Variants in IMPA2 observed in about 807,000 individuals in gnomAD.
The protein encoded by IMPA2 is IMP 2.
IMPA2 carries 32 observed loss-of-function variants against 35.1 expected under a neutral mutation model. That is an observed-to-expected ratio of 0.91 (90% CI 0.69 to 1.23). IMPA2 has a LOEUF of 1.23. Among genes scored for constraint, IMPA2 ranks in the 50% most tolerant of loss-of-function variants. IMPA2 has a pLI of 0.00. For synonymous variants in IMPA2, 135 were observed against 160.6 expected (o/e 0.84, Z 1.20); for missense variants, 334 against 387.6 (o/e 0.86, Z 1.16).
At chr18:12,019,274 A>T (rs1207212323) in intron 5 of IMPA2, among the ~76,000 whole-genome samples, 17 of 151,886 alleles carry the variant, frequency 1.1e-4, no homozygotes, top group African/African-American at 3.9e-4. Context: ...TTTGTTTTTG[A>T]GATGGAGTCT....
chr18:12,030,291 G>C (rs1357130089), intron 7 of IMPA2, 52 bp from the exon 8 acceptor site: 1 of 1,373,654 alleles, frequency 7.3e-7, no homozygotes, highest in Non-Finnish European at 1.0e-6. Context: ...ACACAACATT[G>C]TTCAGCCCTC....
chr18:11,996,310 G>A (rs1906956844), intron 1 of IMPA2, among the ~76,000 whole-genome samples: 1 of 152,162 alleles, frequency 6.6e-6, no homozygotes, highest in Admixed American at 6.5e-5. Context: ...CTGGGGTTTG[G>A]GATGTGTTCT....
chr18:12,016,449 G>A (rs1030097441), intron 5 of IMPA2, among the ~76,000 whole-genome samples: 18 of 145,810 alleles, frequency 1.2e-4, no homozygotes, highest in African/African-American at 4.3e-4. Flanking sequence ...TTTCTGAGAT[G>A]GAGTCTTGCT....
intron 1 of IMPA2, among the ~76,000 whole-genome samples, chr18:11,992,537 T>C (rs1301543307): frequency 1.3e-5 from 2 of 152,204 alleles, no homozygotes; most frequent in African/African-American, 2.4e-5. Flanking sequence ...TGAAGCTGGT[T>C]GATGGTGACC....
At chr18:12,001,098 G>A (rs750243601) in intron 2 of IMPA2, among the ~76,000 whole-genome samples, 9 of 151,598 alleles carry the variant, frequency 5.9e-5, no homozygotes, top group Admixed American at 3.3e-4. Flanking sequence ...GTGTGGTGGC[G>A]TGGGCCTGTA....
intron 1 of IMPA2, among the ~76,000 whole-genome samples, chr18:11,992,225 T>C (rs1568027444): frequency 6.6e-6 from 1 of 152,252 alleles, no homozygotes; most frequent in Non-Finnish European, 1.5e-5. Flanking sequence ...ACACATTCAC[T>C]TGTGTTGCAG....
Position 11,981,700 on chromosome 18 carries a change from C to G in IMPA2, c.31C>G (p.Leu11Val), listed in dbSNP as rs1040799677. Residue 11 changes from leucine (L) to valine (V), a missense_variant, in exon 1 of 8, where the codon CTG (leucine) becomes GTG (valine). Transcript: ENST00000269159. ...GCCGAGCGGCGAGGACCAGGCGGCGCTGGCGGCCGGCCCCTGGGAGGAGTG... is the reference window on the plus strand; with the variant it reads ...GCCGAGCGGCGAGGACCAGGCGGCGGTGGCGGCCGGCCCCTGGGAGGAGTG... MKPSGEDQAA[L>V]AAGPWEECFQ... 1 of 1,230,780 alleles carries G rather than the reference C, an allele frequency of 8.1e-7. No homozygotes were observed. The highest frequency in any genetic ancestry group is 1.0e-6 in the Non-Finnish European group (1 of 987,070). 76.2% of individuals were successfully genotyped at this position (1,230,780 alleles called of 1,614,324 possible).
At chr18:12,013,290 G>A (rs888223340) in intron 4 of IMPA2, among the ~76,000 whole-genome samples, 30 of 152,198 alleles carry the variant, frequency 2.0e-4, no homozygotes, top group Admixed American at 5.9e-4. Context: ...TCAGGAACCA[G>A]CCGAATTCTA....
rs1415142335 is a variant in IMPA2 at position 12,028,988 on chromosome 18, C to T, written c.746C>T (p.Thr249Ile). The T allele has an allele frequency of 6.2e-7, 1 of 1,613,000 alleles. No homozygotes were observed. Among genetic ancestry groups the T allele is most frequent in the Admixed American group, 1.7e-5 (1 of 59,984 alleles). Residue 249 changes from threonine to isoleucine, a missense_variant, in exon 7 of 8, where the codon ACT becomes ATT. Physicochemically the swap from Thr to Ile is moderately conservative, Grantham distance 89. Coordinates refer to ENST00000269159, the MANE Select transcript of IMPA2 (RefSeq NM_014214.3). Reference protein sequence around the residue: ...IREAGGIVIDTSGGPLDLMAC... With the variant: ...IREAGGIVIDISGGPLDLMAC... ...GAAGCAGGCGGCATCGTGATAGACACTTCGGGTGAGCTCTCCTGTCCCTGA... is the reference window on the plus strand; with the variant it reads ...GAAGCAGGCGGCATCGTGATAGACATTTCGGGTGAGCTCTCCTGTCCCTGA...
chr18:12,009,036 TC>T (rs1907359494), intron 2 of IMPA2, among the ~76,000 whole-genome samples: 1 of 150,566 alleles, frequency 6.6e-6, no homozygotes, highest in South Asian at 2.1e-4. Context: ...CCTCTCTCCT[TC>T]CTGCAGCCCC....
intron 2 of IMPA2, among the ~76,000 whole-genome samples, chr18:12,005,934 A>G (rs3786296): frequency 0.14 from 21,962 of 152,170 alleles, 1,835 homozygotes; most frequent in African/African-American, 0.22. Context: ...TGCCTGAGTC[A>G]TTTCTAGTCC....
chr18:11,992,679 A>G lies in IMPA2; in HGVS notation c.97-6375A>G, dbSNP rs151313542. Among the ~76,000 whole-genome samples the G allele has an allele frequency of 3.9e-5, 6 of 152,320 alleles. No individual in the cohort carries two copies. The East Asian group carries it at 1.2e-3, about 29-fold the overall frequency. On this transcript the variant is annotated intron_variant, in intron 1 of 7. Transcript: ENST00000269159. The stretch of plus-strand genomic sequence containing the variant: ...CTGTGAAGTGCATGCTTAGTTAGCG[A>G]GTAGCTGAAAAACATTAATTAAAAA...
Position 12,030,325 on chromosome 18 carries a change from C to G in IMPA2, c.752-18C>G. ...TCTCTGGTAACCCGGATGCCTGGCTCTCTCTGTCTGTCCCCAGGTGGACCC... is the reference window on the plus strand; with the variant it reads ...TCTCTGGTAACCCGGATGCCTGGCTGTCTCTGTCTGTCCCCAGGTGGACCC... On this transcript the variant is annotated intron_variant, in intron 7 of 7. Transcript: ENST00000269159. 1 of 1,605,082 alleles carries G rather than the reference C, an allele frequency of 6.2e-7. No homozygotes were observed. Among genetic ancestry groups the G allele is most frequent in the Non-Finnish European group, 8.5e-7 (1 of 1,171,816 alleles).
intron 5 of IMPA2, among the ~76,000 whole-genome samples, chr18:12,027,685 C>T (rs1315482767): frequency 6.6e-6 from 1 of 151,108 alleles, no homozygotes; most frequent in African/African-American, 2.4e-5. Flanking sequence ...AACCAATCCT[C>T]CCACCTCAGC....
chr18:11,989,261 C>T (rs1390568359), intron 1 of IMPA2, among the ~76,000 whole-genome samples: 1 of 152,192 alleles, frequency 6.6e-6, no homozygotes, highest in African/African-American at 2.4e-5. Context: ...CCAGAAAAGG[C>T]TTCCCTGCTC....
rs1017652823 is a variant in IMPA2, at chr18:12,010,914, C to T, written c.335+927C>T. Among the ~76,000 whole-genome samples the T allele has an allele frequency of 1.1e-4, 17 of 152,322 alleles. No individual in the cohort carries two copies. In the South Asian group the frequency reaches 1.5e-3, roughly 13 times the overall value. ...TTGTGCCTACATAAGGTGACCCTTT[C>T]GAGGCAGTGGAGTCGTGCCATCTGG... On this transcript the variant is annotated intron_variant, in intron 3 of 7. Coordinates refer to ENST00000269159, the MANE Select transcript of IMPA2 (RefSeq NM_014214.3). The surrounding 1 kb of genome is among the most constrained non-coding windows in gnomAD (Gnocchi z 4.8).
At chr18:12,024,556 G>C (rs548914036) in intron 5 of IMPA2, among the ~76,000 whole-genome samples, 15 of 152,176 alleles carry the variant, frequency 9.9e-5, no homozygotes, top group Non-Finnish European at 1.3e-4. Flanking sequence ...AAATAGGGTG[G>C]GATTAGACAA....
Position 11,983,745 on chromosome 18 carries a change from C to T in IMPA2, c.96+1980C>T, listed in dbSNP as rs1233508865. Reference sequence around the variant, plus strand: ...CATTATGCTGATGCTTCCTGCCTGCCGGGCAGTGCTGAGGGAATGGCCTGA... The same window carrying T: ...CATTATGCTGATGCTTCCTGCCTGCTGGGCAGTGCTGAGGGAATGGCCTGA... On this transcript the variant is annotated intron_variant, in intron 1 of 7. Coordinates refer to ENST00000269159, the MANE Select transcript of IMPA2 (RefSeq NM_014214.3). Among the ~76,000 whole-genome samples the T allele has an allele frequency of 7.9e-5, 12 of 152,166 alleles. No individual in the cohort carries two copies. The East Asian group carries it at 2.1e-3, about 27-fold the overall frequency.
chr18:12,015,765 C>T (rs1005163630), intron 5 of IMPA2, among the ~76,000 whole-genome samples: 5 of 152,192 alleles, frequency 3.3e-5, no homozygotes, highest in Admixed American at 6.5e-5. Context: ...TACAGCTGTG[C>T]GTGCCAGGAG....
Sources: allele counts gnomAD v4.1 joint callset (sites outside exome capture counted in the v4.1 genomes callset), GRCh38; gene constraint gnomAD v4.1.1; non-coding constraint Gnocchi (gnomAD v3.1); transcripts MANE v1.5; gene names NCBI Gene and HGNC (gene_info 2026-07-23, HGNC 2026-07-21).